VPS13C: variants seen among roughly 807,000 people sequenced by gnomAD.
VPS13C encodes the protein vacuolar protein sorting 13 homolog C.
A neutral mutation model predicts 456.8 loss-of-function variants in VPS13C; 358 were observed. That is an observed-to-expected ratio of 0.78 (90% CI 0.72 to 0.86). The LOEUF is 0.86. Among genes scored for constraint, VPS13C ranks in the 40% least tolerant of loss-of-function variants. The pLI is 0.00. For synonymous variants in VPS13C, 1,578 were observed against 1,486.7 expected (o/e 1.06, Z -1.41); for missense variants, 4,818 against 4,385.4 (o/e 1.10, Z -2.79).
At position 61,991,111 on chromosome 15, in the gene VPS13C, T is replaced by C; in HGVS notation, c.1484-17A>G. The C allele has an allele frequency of 6.5e-7, 1 of 1,535,150 alleles. No homozygotes were observed. The highest frequency in any genetic ancestry group is 8.9e-7 in the Non-Finnish European group (1 of 1,127,310). ...CATCAATAGCTATGAAAAAACAACA[T>C]TTTAAGAAATTAATTGCTTCCATTT... On this transcript the variant is annotated splice_polypyrimidine_tract_variant and intron_variant, in intron 17 of 84. Coordinates refer to ENST00000644861, the MANE Select transcript of VPS13C (RefSeq NM_020821.3).
chr15:61,871,685 T>C (rs1895044645), intron 79 of VPS13C, among the ~76,000 whole-genome samples: 1 of 152,102 alleles, frequency 6.6e-6, no homozygotes, highest in African/African-American at 2.4e-5. Flanking sequence ...GAATAAGCAA[T>C]GTGCTTTTTT....
rs2047527331 is a variant in VPS13C, at chr15:62,023,338, C to T, written c.624+73G>A. 1 of 892,620 alleles carries T rather than the reference C, an allele frequency of 1.1e-6. No homozygotes were observed. Among genetic ancestry groups the T allele is most frequent in the Non-Finnish European group, 1.6e-6 (1 of 626,730 alleles). 55.3% of individuals were successfully genotyped at this position (892,620 alleles called of 1,614,324 possible). A position where few individuals can be genotyped will look rare whatever the true frequency, so the allele number is the denominator to read the frequency against. Reference sequence around the variant, plus strand: ...GGATTTAAAAATGGGCACAGATAATCCACATATAGAAAAGTCAAGAATATT... The same window carrying T: ...GGATTTAAAAATGGGCACAGATAATTCACATATAGAAAAGTCAAGAATATT... On this transcript the variant is annotated intron_variant, in intron 8 of 84. Transcript: ENST00000644861.
chr15:61,976,109 T>G, intron 24 of VPS13C, among the ~76,000 whole-genome samples: 1 of 152,192 alleles, frequency 6.6e-6, no homozygotes, highest in East Asian at 1.9e-4. Flanking sequence ...ATTTTCCACA[T>G]GTGTCATCAT....
Position 62,012,108 on chromosome 15 carries a change from G to T in VPS13C, c.882C>A (p.Tyr294Ter). The part of the protein sequence containing the change: ...TSGNIPPNYQ[Y>*]IFQPISASAK... ...AAATAAACTTTTACTATTACTTACT[G>T]TATTGATAATTTGGGGGTATATTTC... Residue 294 changes from tyrosine (Y) to a stop codon, truncating the protein, a stop_gained and splice_region_variant, in exon 12 of 85, where the codon TAC becomes TAA. Coordinates refer to ENST00000644861, the MANE Select transcript of VPS13C (RefSeq NM_020821.3). LOFTEE classifies it high-confidence loss of function. 1 of 1,495,412 alleles carries T rather than the reference G, an allele frequency of 6.7e-7. No individual in the cohort carries two copies. The highest frequency in any genetic ancestry group is 9.3e-7 in the Non-Finnish European group (1 of 1,077,292). 92.6% of individuals were successfully genotyped at this position (1,495,412 alleles called of 1,614,324 possible). A position where few individuals can be genotyped will look rare whatever the true frequency, so the allele number is the denominator to read the frequency against.
intron 15 of VPS13C, 137 bp downstream of exon 15, chr15:62,007,171 T>A (rs1212965724): frequency 2.5e-6 from 2 of 800,972 alleles, no homozygotes; most frequent in African/African-American, 1.8e-5. Context: ...AATTCTGCAT[T>A]TTCCCACATA....
chr15:61,925,323 C>A (rs150693878), intron 53 of VPS13C, 133 bp downstream of exon 53: 1 of 434,114 alleles, frequency 2.3e-6, no homozygotes, highest in East Asian at 3.8e-5. Context: ...TTAGAAGTTA[C>A]TGATTACTGA....
At chr15:61,875,468 G>A (rs1044823539) in intron 76 of VPS13C, among the ~76,000 whole-genome samples, 3 of 151,992 alleles carry the variant, frequency 2.0e-5, no homozygotes, top group Non-Finnish European at 2.9e-5. Flanking sequence ...GAACAGTCTT[G>A]AAAGTCTTAA....
intron 11 of VPS13C, 89 bp from the exon 12 acceptor site, chr15:62,012,253 CACACAA>C (rs990429711): frequency 8.5e-6 from 5 of 590,486 alleles, no homozygotes; most frequent in African/African-American, 4.0e-5. Context: ...CACACACACA[CACACAA>C]AGCTTGGTTC....
At chr15:61,928,228 T>A (rs932738416) in intron 51 of VPS13C, among the ~76,000 whole-genome samples, 1 of 152,190 alleles carries the variant, frequency 6.6e-6, no homozygotes, top group African/African-American at 2.4e-5. Context: ...GTTTTGAAGT[T>A]CTTTTTATCA....
intron 2 of VPS13C, among the ~76,000 whole-genome samples, chr15:62,042,238 C>T (rs2140718560): frequency 6.6e-6 from 1 of 152,194 alleles, no homozygotes; most frequent in South Asian, 2.1e-4. Flanking sequence ...TTCCAAACAA[C>T]TAGAAAGTTC....
At chr15:62,005,859 C>T (rs192500720) in intron 15 of VPS13C, among the ~76,000 whole-genome samples, 15 of 151,570 alleles carry the variant, frequency 9.9e-5, no homozygotes, top group African/African-American at 3.4e-4. Context: ...CCCACCACCA[C>T]GCCCAGCTAA....
At chr15:61,878,808 T>C in intron 73 of VPS13C, 62 bp from the exon 74 acceptor site, 2 of 1,494,812 alleles carry the variant, frequency 1.3e-6, no homozygotes, top group Non-Finnish European at 1.8e-6. Flanking sequence ...ATATTTAGGA[T>C]CCAGGTAGTC....
intron 65 of VPS13C, among the ~76,000 whole-genome samples, chr15:61,907,669 G>A (rs2140136262): frequency 6.6e-6 from 1 of 152,352 alleles, no homozygotes; most frequent in Non-Finnish European, 1.5e-5. Context: ...CAGATTGCCA[G>A]ATCAGGGTCC....
chr15:62,054,372 GGTTT>G (rs376267320), intron 1 of VPS13C, among the ~76,000 whole-genome samples: 243 of 152,070 alleles, frequency 1.6e-3, no homozygotes, highest in Non-Finnish European at 2.1e-3. Context: ...GGCAAATAGA[GGTTT>G]TTTTTAAAAG....
At chr15:61,960,568 T>C (rs1254158438) in intron 35 of VPS13C, among the ~76,000 whole-genome samples, 4 of 152,068 alleles carry the variant, frequency 2.6e-5, no homozygotes, top group Non-Finnish European at 2.9e-5. Flanking sequence ...AGGAGACATA[T>C]GATAAAGTAT....
chr15:61,969,462 T>G lies in VPS13C; in HGVS notation c.2758-10A>C. Reference sequence around the variant, plus strand: ...TAAATTCCAAAATCACCTAAAAGAATTAGAGTCAATGAAAAGTTGATAAGA... The same window carrying G: ...TAAATTCCAAAATCACCTAAAAGAAGTAGAGTCAATGAAAAGTTGATAAGA... On this transcript the variant is annotated splice_polypyrimidine_tract_variant and intron_variant, in intron 27 of 84. Transcript: ENST00000644861. The G allele has an allele frequency of 6.7e-7, 1 of 1,495,478 alleles. No homozygotes were observed. Among genetic ancestry groups the G allele is most frequent in the Non-Finnish European group, 9.0e-7 (1 of 1,115,714 alleles). The allele number at this position is 1,495,478 out of a possible 1,614,324, so 92.6% of individuals were successfully genotyped here.
intron 15 of VPS13C, among the ~76,000 whole-genome samples, chr15:62,003,779 A>G (rs956868593): frequency 6.6e-6 from 1 of 151,888 alleles, no homozygotes; most frequent in Admixed American, 6.6e-5. Flanking sequence ...TGAGATAATC[A>G]TGTGGTTTTT....
In VPS13C at chr15:61,890,417, C is replaced by CTTCA. The variant is rs369593551; in HGVS notation, c.9106-21_9106-18dup. On this transcript the variant is annotated splice_polypyrimidine_tract_variant and intron_variant, in intron 66 of 84. Coordinates refer to ENST00000644861, the MANE Select transcript of VPS13C (RefSeq NM_020821.3). ...ACATCCATCCTGGGAAGAAGAAAGA[C>CTTCA]TTCATTAAACCCACACATAGTAACT... 1.9e-6 allele frequency: 3 copies of CTTCA among 1,601,670 alleles called. No homozygotes were observed. Among genetic ancestry groups the CTTCA allele is most frequent in the African/African-American group, 2.7e-5 (2 of 74,730 alleles).
intron 27 of VPS13C, among the ~76,000 whole-genome samples, chr15:61,971,983 T>C (rs1170267249): frequency 6.6e-6 from 1 of 152,228 alleles, no homozygotes; most frequent in Non-Finnish European, 1.5e-5. Context: ...AGACAAATTT[T>C]TTATAGAAAT....
Sources: allele counts gnomAD v4.1 joint callset (sites outside exome capture counted in the v4.1 genomes callset), GRCh38; gene constraint gnomAD v4.1.1; transcripts MANE v1.5; gene names NCBI Gene and HGNC (gene_info 2026-07-23, HGNC 2026-07-21).